Variants in ARHGAP8 observed in about 807,000 individuals in gnomAD.
The protein encoded by ARHGAP8 is rho GTPase-activating protein 8.
A neutral mutation model predicts 46.1 loss-of-function variants in ARHGAP8; 62 were observed. The observed-to-expected ratio is 1.34, with a 90% CI of 1.10 to 1.66. ARHGAP8 has a LOEUF of 1.66. Among genes scored for constraint, ARHGAP8 ranks in the 40% most tolerant of loss-of-function variants. The pLI is 0.00. For synonymous variants in ARHGAP8, 375 were observed against 243.1 expected, an observed-to-expected ratio of 1.54 and a Z score of -5.05; for missense variants, 923 against 568.4, an observed-to-expected ratio of 1.62 and a Z score of -6.34.
intron 4 of ARHGAP8, among the ~76,000 whole-genome samples, chr22:44,813,552 A>G (rs2147101041): frequency 6.6e-6 from 1 of 152,026 alleles, no homozygotes; most frequent in South Asian, 2.1e-4. Flanking sequence ...ACACTTATAT[A>G]CACATACACC....
At chr22:44,826,132 A>T (rs1464030200) in intron 7 of ARHGAP8, among the ~76,000 whole-genome samples, 2 of 151,466 alleles carry the variant, frequency 1.3e-5, no homozygotes, top group South Asian at 4.2e-4. Flanking sequence ...TCGTGCTAGG[A>T]GGAAGCTTCC....
chr22:44,783,141 C>T (rs1219110653), intron 1 of ARHGAP8, among the ~76,000 whole-genome samples: 1 of 151,062 alleles, frequency 6.6e-6, no homozygotes, highest in Admixed American at 6.6e-5. Flanking sequence ...GAGGTTTCAC[C>T]ACGTTGGCAG....
At chr22:44,862,127 C>T in intron 11 of ARHGAP8, 148 bp from the exon 12 acceptor site, 1 of 927,172 alleles carries the variant, frequency 1.1e-6, no homozygotes, top group Non-Finnish European at 1.5e-6. Context: ...GGGCAGGTGG[C>T]TGCACAGGGT....
chr22:44,759,647 G>T (rs1036945159), intron 1 of ARHGAP8, among the ~76,000 whole-genome samples: 1 of 152,180 alleles, frequency 6.6e-6, no homozygotes, highest in Non-Finnish European at 1.5e-5. Context: ...TCTCACAGTG[G>T]TTCTGTCTTG....
intron 10 of ARHGAP8, among the ~76,000 whole-genome samples, chr22:44,859,119 A>C (rs928430950): frequency 5.3e-5 from 8 of 152,156 alleles, no homozygotes; most frequent in Admixed American, 4.6e-4. Flanking sequence ...CGGCTTTAGC[A>C]GCTTCCTGGA....
chr22:44,755,097 T>G (rs1192147037), intron 1 of ARHGAP8, among the ~76,000 whole-genome samples: 2 of 152,344 alleles, frequency 1.3e-5, no homozygotes, highest in Admixed American at 1.3e-4. Context: ...GCTGCCTGAC[T>G]CCTTGCTCAC....
rs764530425 is a variant in ARHGAP8 at position 44,862,614 on chromosome 22, T to G, written c.*19T>G. 8.6e-6 allele frequency: 9 copies of G among 1,046,330 alleles called. No homozygotes were observed. In the Admixed American group the frequency reaches 1.2e-4, roughly 13 times the overall value. 64.8% of individuals were successfully genotyped at this position (1,046,330 alleles called of 1,614,324 possible). On this transcript the variant is annotated 3_prime_UTR_variant, in exon 12 of 12. Coordinates refer to ENST00000356099, the MANE Select transcript of ARHGAP8 (RefSeq NM_181335.3). ...TCTCTAGTGTTGCGAACACTCTGTATATTTCGAGCTACCTCCCACACCTGT... is the reference window on the plus strand; with the variant it reads ...TCTCTAGTGTTGCGAACACTCTGTAGATTTCGAGCTACCTCCCACACCTGT...
chr22:44,766,642 G>A (rs1337123313), intron 1 of ARHGAP8, among the ~76,000 whole-genome samples: 1 of 152,174 alleles, frequency 6.6e-6, no homozygotes, highest in Non-Finnish European at 1.5e-5. Flanking sequence ...GACCCCGCCT[G>A]CCTGTCTTCC....
chr22:44,840,599 C>T (rs149548982), intron 7 of ARHGAP8, among the ~76,000 whole-genome samples: 2 of 152,304 alleles, frequency 1.3e-5, no homozygotes, highest in East Asian at 3.9e-4. Flanking sequence ...AGTCTAAGAT[C>T]AAGGTGCCAC....
rs376675077 is a variant in ARHGAP8 at position 44,813,368 on chromosome 22, TACAC to T, written c.300-1300_300-1297del. ...ATACATACACTTACACACACCTACA[TACAC>T]ACATACCCACCTACAGTACATACAC... On this transcript the variant is annotated intron_variant, in intron 4 of 11. Coordinates refer to ENST00000356099, the MANE Select transcript of ARHGAP8 (RefSeq NM_181335.3). 2.2e-4 allele frequency among the ~76,000 whole-genome samples: 32 copies of T among 146,128 alleles called. No homozygotes were observed. In the East Asian group the frequency reaches 4.4e-3, roughly 20 times the overall value.
intron 10 of ARHGAP8, among the ~76,000 whole-genome samples, chr22:44,858,368 GGTTTT>G (rs995951135): frequency 2.2e-4 from 22 of 100,630 alleles, no homozygotes; most frequent in Admixed American, 3.4e-4. Flanking sequence ...GGTTGGTGGT[GGTTTT>G]TTTTTTTTTT....
intron 3 of ARHGAP8, among the ~76,000 whole-genome samples, chr22:44,803,603 CCT>C (rs1928709808): frequency 6.8e-6 from 1 of 146,996 alleles, no homozygotes; most frequent in Non-Finnish European, 1.5e-5. Context: ...CTGTGGCTGT[CCT>C]CTCTCCACCC....
chr22:44,796,377 A>G (rs1188312512), intron 2 of ARHGAP8, among the ~76,000 whole-genome samples: 1 of 151,640 alleles, frequency 6.6e-6, no homozygotes, highest in Non-Finnish European at 1.5e-5. Context: ...CCGATGCTGT[A>G]TCATTCGGAA....
At chr22:44,806,957 CAAA>C (rs565485539) in intron 3 of ARHGAP8, among the ~76,000 whole-genome samples, 121 of 113,066 alleles carry the variant, frequency 1.1e-3, no homozygotes, top group Non-Finnish European at 1.7e-3. Flanking sequence ...GACTCTGTCT[CAAA>C]AAAAAAAAAA....
At chr22:44,828,867 A>C (rs1246275505) in intron 7 of ARHGAP8, among the ~76,000 whole-genome samples, 2 of 152,112 alleles carry the variant, frequency 1.3e-5, no homozygotes, top group Non-Finnish European at 2.9e-5. Flanking sequence ...TGTGGCACAC[A>C]GGGTCCCAGG....
At chr22:44,761,052 A>C (rs546723303) in intron 1 of ARHGAP8, among the ~76,000 whole-genome samples, 2 of 152,286 alleles carry the variant, frequency 1.3e-5, no homozygotes, top group South Asian at 4.1e-4. Context: ...TTTTCACTTC[A>C]TTTTGATGAT....
At chr22:44,812,035 A>C (rs1929371178) in intron 4 of ARHGAP8, among the ~76,000 whole-genome samples, 1 of 150,720 alleles carries the variant, frequency 6.6e-6, no homozygotes, top group South Asian at 2.1e-4. Flanking sequence ...GAGGGTTTTC[A>C]GTCGGCCATT....
chr22:44,860,069 T>G (rs966701288), intron 11 of ARHGAP8, among the ~76,000 whole-genome samples: 1 of 152,142 alleles, frequency 6.6e-6, no homozygotes, highest in African/African-American at 2.4e-5. Flanking sequence ...CTCCTGTACC[T>G]GCTGTCCCTC....
At chr22:44,857,189 C>T (rs1305846587) in intron 10 of ARHGAP8, among the ~76,000 whole-genome samples, 1 of 149,636 alleles carries the variant, frequency 6.7e-6, no homozygotes, top group East Asian at 2.0e-4. Context: ...ATTCACCCAC[C>T]TCGGCCTCTG....
Sources: allele counts gnomAD v4.1 joint callset (sites outside exome capture counted in the v4.1 genomes callset), GRCh38; gene constraint gnomAD v4.1.1; transcripts MANE v1.5; gene names NCBI Gene and HGNC (gene_info 2026-07-23, HGNC 2026-07-21).